GALNT17: variants seen among roughly 807,000 people sequenced by gnomAD.
GALNT17 encodes the protein UDP-GalNAc:polypeptide N-acetylgalactosaminyltransferase-like 3.
GALNT17 carries 29 observed loss-of-function variants against 63.7 expected under a neutral mutation model. That is an observed-to-expected ratio of 0.46 (90% confidence interval 0.34 to 0.62). The LOEUF is 0.62. Ranked by LOEUF, GALNT17 falls within the 20% of genes least tolerant of loss-of-function variation. The pLI is 0.01. For synonymous variants in GALNT17, 305 were observed against 318.3 expected (o/e 0.96, Z 0.45); for missense variants, 603 against 799.6 (o/e 0.75, Z 2.97).
At chr7:71,701,445 C>A (rs1791629503) in intron 9 of GALNT17, among the ~76,000 whole-genome samples, 1 of 151,668 alleles carries the variant, frequency 6.6e-6, no homozygotes, top group African/African-American at 2.4e-5. Flanking sequence ...CAAGATCACG[C>A]CATTGTACTC....
intron 1 of GALNT17, among the ~76,000 whole-genome samples, chr7:71,321,902 C>CCTTCCTCCCTTCCTTCCTTT (rs1791616563): frequency 1.4e-5 from 1 of 70,006 alleles, no homozygotes; most frequent in South Asian, 7.8e-4. Flanking sequence ...TTCCTTCCTT[C>CCTTCCTCCCTTCCTTCCTTT]CTTCCTTCCT....
intron 1 of GALNT17, among the ~76,000 whole-genome samples, chr7:71,137,139 CTTT>C (rs398005145): frequency 1.7e-5 from 2 of 117,356 alleles, no homozygotes; most frequent in East Asian, 2.5e-4. Flanking sequence ...ATATTTTTGA[CTTT>C]TTTTTTTTTT....
chr7:71,160,446 A>T (rs940414924), intron 1 of GALNT17, among the ~76,000 whole-genome samples: 8 of 152,162 alleles, frequency 5.3e-5, no homozygotes, highest in Non-Finnish European at 1.0e-4. Context: ...TTTTTATTAT[A>T]AACAATGGTG....
In GALNT17 at chr7:71,505,146, A is replaced by G. The variant is rs1187941474; in HGVS notation, c.963-66139A>G. Among the ~76,000 whole-genome samples the G allele has an allele frequency of 4.6e-5, 7 of 151,948 alleles. 1 individual carries two copies. The South Asian group carries it at 1.3e-3, about 27-fold the overall frequency. On this transcript the variant is annotated intron_variant, in intron 5 of 10. Transcript: ENST00000333538. ...GGTCTTTTCTTTCTCTTTATCCCCA[A>G]TTTGAACAGTTTCGCTTCTCTTCCA...
intron 9 of GALNT17, among the ~76,000 whole-genome samples, chr7:71,693,775 T>C (rs932801446): frequency 4.0e-5 from 6 of 150,896 alleles, no homozygotes; most frequent in Non-Finnish European, 7.4e-5. Context: ...CAAGTTTACC[T>C]GTGTAACAAA....
At chr7:71,566,916 TG>T (rs1562693687) in intron 5 of GALNT17, among the ~76,000 whole-genome samples, 1 of 152,108 alleles carries the variant, frequency 6.6e-6, no homozygotes, top group Non-Finnish European at 1.5e-5. Context: ...ATTGTACATC[TG>T]CCTCCTCCTT....
intron 6 of GALNT17, among the ~76,000 whole-genome samples, chr7:71,579,063 G>C (rs750461239): frequency 2.6e-5 from 4 of 152,200 alleles, no homozygotes; most frequent in Non-Finnish European, 4.4e-5. Flanking sequence ...TTTTTAGATT[G>C]CATGAGTCTT....
At chr7:71,356,703 C>A (rs1792292903) in intron 2 of GALNT17, among the ~76,000 whole-genome samples, 1 of 152,180 alleles carries the variant, frequency 6.6e-6, no homozygotes, top group Non-Finnish European at 1.5e-5. Context: ...TTCCAGTGGG[C>A]CCCGCCTCCA....
intron 1 of GALNT17, among the ~76,000 whole-genome samples, chr7:71,283,468 TA>T (rs148493031): frequency 0.015 from 2,277 of 152,170 alleles, 48 homozygotes; most frequent in African/African-American, 0.053. Context: ...AAATAATAGT[TA>T]AAAAAATAGT....
At chr7:71,171,297 T>C (rs1328900730) in intron 1 of GALNT17, among the ~76,000 whole-genome samples, 1 of 152,166 alleles carries the variant, frequency 6.6e-6, no homozygotes, top group Non-Finnish European at 1.5e-5. Context: ...AGGGAATTGC[T>C]TGAGGCCAGG....
intron 1 of GALNT17, among the ~76,000 whole-genome samples, chr7:71,216,385 G>T (rs575588778): frequency 7.9e-5 from 12 of 152,136 alleles, no homozygotes; most frequent in Non-Finnish European, 1.6e-4. Context: ...TTGTGAAGTA[G>T]CTCTGGGGGA....
chr7:71,414,979 A>G (rs1793498189), intron 3 of GALNT17, among the ~76,000 whole-genome samples: 1 of 143,742 alleles, frequency 7.0e-6, no homozygotes. Flanking sequence ...CACACAAAGT[A>G]TCACTTTTTT....
chr7:71,290,421 A>G (rs1169479121), intron 1 of GALNT17, among the ~76,000 whole-genome samples: 1 of 152,176 alleles, frequency 6.6e-6, no homozygotes, highest in South Asian at 2.1e-4. Flanking sequence ...GGCTGATGCT[A>G]TAAAAATACA....
chr7:71,142,170 C>T (rs997813354), intron 1 of GALNT17, among the ~76,000 whole-genome samples: 18 of 152,030 alleles, frequency 1.2e-4, no homozygotes, highest in African/African-American at 4.3e-4. Flanking sequence ...ATGCGGGGCC[C>T]TCAGGAGATA....
intron 1 of GALNT17, among the ~76,000 whole-genome samples, chr7:71,267,444 CTT>C (rs1248860977): frequency 1.3e-5 from 2 of 150,792 alleles, no homozygotes; most frequent in African/African-American, 4.9e-5. Flanking sequence ...GTAGAAATGA[CTT>C]TGAAATAATT....
At chr7:71,480,157 T>C (rs1345466290) in intron 5 of GALNT17, among the ~76,000 whole-genome samples, 3 of 1,294 alleles carry the variant, frequency 2.3e-3, no homozygotes, top group African/African-American at 7.0e-3. Flanking sequence ...TTTGGAGTCT[T>C]TTTTTTTTTT....
rs561901537 is a variant in GALNT17, at chr7:71,316,932, T to G, written c.239-18618T>G. Among the ~76,000 whole-genome samples, 8 of 152,298 alleles carry G rather than the reference T, an allele frequency of 5.3e-5. No individual in the cohort carries two copies. In the South Asian group the frequency reaches 1.7e-3, roughly 32 times the overall value. ...CATTCAGGATGTTTTTCAAAGACTT[T>G]CCACAAACTCTGGCCATTGAGGTTA... On this transcript the variant is annotated intron_variant, in intron 1 of 10. Coordinates refer to ENST00000333538, the MANE Select transcript of GALNT17 (RefSeq NM_022479.3).
chr7:71,679,420 G>A (rs1192595387), intron 9 of GALNT17, among the ~76,000 whole-genome samples: 2 of 152,024 alleles, frequency 1.3e-5, no homozygotes, highest in East Asian at 3.9e-4. Context: ...ATAAGTGCAC[G>A]TCTTCATTCA....
chr7:71,681,830 T>C (rs1791266740), intron 9 of GALNT17, among the ~76,000 whole-genome samples: 1 of 152,216 alleles, frequency 6.6e-6, no homozygotes, highest in Non-Finnish European at 1.5e-5. Flanking sequence ...AAAGATGGTC[T>C]GATCCCATAG....
Sources: allele counts gnomAD v4.1 joint callset (sites outside exome capture counted in the v4.1 genomes callset), GRCh38; gene constraint gnomAD v4.1.1; transcripts MANE v1.5; gene names NCBI Gene and HGNC (gene_info 2026-07-23, HGNC 2026-07-21).